CIST1: variants seen among roughly 807,000 people sequenced by gnomAD.
CIST1 encodes uncharacterized LOC729966.
chr19:18,255,217 T>A, the CIST1 span: 1 of 398,930 alleles, frequency 2.5e-6, no homozygotes, highest in Non-Finnish European at 4.4e-6. The surrounding 1 kb of genome is among the most constrained non-coding windows in gnomAD (Gnocchi z 4.6). Context: ...TACCAGCTCT[T>A]ACCTGTAAAG....
the CIST1 span, among the ~76,000 whole-genome samples, chr19:18,254,764 C>T: frequency 6.6e-6 from 1 of 152,170 alleles, no homozygotes; most frequent in Non-Finnish European, 1.5e-5. Context: ...CCACCCTAGG[C>T]ACTGTCTTAT....
the CIST1 span, among the ~76,000 whole-genome samples, chr19:18,253,688 C>T: frequency 2.0e-5 from 3 of 152,228 alleles, no homozygotes; most frequent in East Asian, 5.8e-4. Flanking sequence ...CTAACCTCAA[C>T]TTTAATGGAA....
At chr19:18,255,099 G>A in the CIST1 span, 1 of 394,484 alleles carries the variant, frequency 2.5e-6, no homozygotes, top group East Asian at 3.6e-5. This position sits in a 1 kb window ranked among gnomAD's most constrained non-coding sequence, Gnocchi z 4.6. Context: ...CTTCCTCGGA[G>A]GGTTGGCGGA....
chr19:18,254,775 A>T, the CIST1 span, among the ~76,000 whole-genome samples: 1 of 152,196 alleles, frequency 6.6e-6, no homozygotes, highest in Admixed American at 6.6e-5. Flanking sequence ...ACTGTCTTAT[A>T]GGAGAGCAAG....
At chr19:18,252,130 T>C in the CIST1 span, 2 of 398,398 alleles carry the variant, frequency 5.0e-6, no homozygotes, top group Non-Finnish European at 8.8e-6. Context: ...CTGTGGGAAG[T>C]GGGGCTCCAG....
the CIST1 span, among the ~76,000 whole-genome samples, chr19:18,251,423 G>T: frequency 6.6e-6 from 1 of 150,952 alleles, no homozygotes; most frequent in Admixed American, 6.6e-5. Flanking sequence ...ACCACGCCCA[G>T]CCATTTTTAT....
chr19:18,252,030 C>T, the CIST1 span: 1 of 398,758 alleles, frequency 2.5e-6, no homozygotes, highest in Non-Finnish European at 4.4e-6. Flanking sequence ...CACCCGCCAC[C>T]TCCCTACAAA....
the CIST1 span, among the ~76,000 whole-genome samples, chr19:18,254,385 G>A: frequency 6.6e-6 from 1 of 152,226 alleles, no homozygotes; most frequent in Non-Finnish European, 1.5e-5. Flanking sequence ...CTGGCACTGA[G>A]TAGGCACTGG....
At chr19:18,251,680 CCCCCCCG>C in the CIST1 span, among the ~76,000 whole-genome samples, 1 of 82,226 alleles carries the variant, frequency 1.2e-5, no homozygotes, top group African/African-American at 5.3e-5. Context: ...TGATACACGC[CCCCCCCG>C]CCCCCGCCCC....
chr19:18,253,741 C>A, the CIST1 span, among the ~76,000 whole-genome samples: 1 of 152,186 alleles, frequency 6.6e-6, no homozygotes, highest in South Asian at 2.1e-4. Flanking sequence ...CCGGAACCCA[C>A]CCTTCTACGT....
At chr19:18,251,341 G>A in the CIST1 span, among the ~76,000 whole-genome samples, 1 of 151,210 alleles carries the variant, frequency 6.6e-6, no homozygotes, top group Non-Finnish European at 1.5e-5. Context: ...GGCCAGGCTG[G>A]TCTTGAACTC....
At chr19:18,251,918 T>C in the CIST1 span, 41 of 396,372 alleles carry the variant, frequency 1.0e-4, no homozygotes, top group African/African-American at 6.2e-4. Flanking sequence ...GCGCATAGCA[T>C]GAAGAGCTTT....
chr19:18,255,088 C>T, the CIST1 span: 1 of 393,118 alleles, frequency 2.5e-6, no homozygotes. The surrounding 1 kb of genome is among the most constrained non-coding windows in gnomAD (Gnocchi z 4.6). Context: ...GAAAACCCAG[C>T]CTTCCTCGGA....
the CIST1 span, chr19:18,252,491 G>A: frequency 2.6e-5 from 10 of 386,648 alleles, no homozygotes; most frequent in Non-Finnish European, 4.0e-5. Flanking sequence ...AAAACTGGGC[G>A]CGGTGGCTCA....
At chr19:18,250,178 C>A in the CIST1 span, 1 of 398,754 alleles carries the variant, frequency 2.5e-6, no homozygotes, top group South Asian at 1.3e-4. Context: ...TCACGGATCC[C>A]TGAGGAAGGA....
the CIST1 span, among the ~76,000 whole-genome samples, chr19:18,253,393 T>A: frequency 6.6e-6 from 1 of 151,588 alleles, no homozygotes; most frequent in Middle Eastern, 3.4e-3. Context: ...TACAAAAAAA[T>A]AAAACAAAAA....
At chr19:18,252,614 CTCTTTTTTTTTT>C in the CIST1 span, 1 of 378,984 alleles carries the variant, frequency 2.6e-6, no homozygotes, top group African/African-American at 2.4e-5. Flanking sequence ...CTTTCTCTCT[CTCTTTTTTTTTT>C]TCTTTTTTTG....
At chr19:18,251,697 CCGCCCT>C in the CIST1 span, among the ~76,000 whole-genome samples, 3 of 139,542 alleles carry the variant, frequency 2.1e-5, no homozygotes, top group Non-Finnish European at 4.7e-5. Context: ...GCCCCCGCCC[CCGCCCT>C]CGGCCTCCCA....
chr19:18,252,143 CG>C, the CIST1 span: 1 of 398,640 alleles, frequency 2.5e-6, no homozygotes, highest in East Asian at 3.6e-5. Flanking sequence ...GGCTCCAGTG[CG>C]GGGTCAGGGA....
Sources: gnomAD v4.1 joint callset for allele counts (sites outside exome capture counted in the v4.1 genomes callset) on GRCh38, gnomAD v4.1.1 for gene constraint, Gnocchi (gnomAD v3.1) non-coding constraint, MANE v1.5 for transcripts, NCBI Gene and HGNC (gene_info 2026-07-23, HGNC 2026-07-21) for gene names.